The following RAB11FIP2 variants were observed in gnomAD, a reference collection of about 807,000 sequenced individuals.
RAB11FIP2 encodes RAB11 family interacting protein 2, also known as rab11 family-interacting protein 2.
In RAB11FIP2, 16 loss-of-function variants were observed where a neutral mutation model predicts 40.9. That is an observed-to-expected ratio of 0.39 (90% CI 0.26 to 0.59). The LOEUF is 0.59. Among genes scored for constraint, RAB11FIP2 ranks in the 20% least tolerant of loss-of-function variants. RAB11FIP2 has a pLI of 0.53. For missense variants in RAB11FIP2, 532 were observed against 606.2 expected (o/e 0.88, Z 1.28); for synonymous variants, 228 against 213.7 (o/e 1.07, Z -0.58).
chr10:118,033,305 T>A (rs1036426865), intron 3 of RAB11FIP2, among the ~76,000 whole-genome samples: 21 of 152,024 alleles, frequency 1.4e-4, no homozygotes, highest in Non-Finnish European at 2.9e-4. Flanking sequence ...CCCAACAAAT[T>A]GTAGCTAAAA....
chr10:118,016,085 T>C lies in RAB11FIP2; in HGVS notation c.1266-975A>G, dbSNP rs571571766. Among the ~76,000 whole-genome samples, 3 of 152,376 alleles carry C rather than the reference T, an allele frequency of 2.0e-5. No homozygotes were observed. In the South Asian group the frequency reaches 6.2e-4, roughly 32 times the overall value. On this transcript the variant is annotated intron_variant, in intron 3 of 4. Coordinates refer to ENST00000355624, the MANE Select transcript of RAB11FIP2 (RefSeq NM_014904.3). ...CTGGATATAATGTTGGTAAAGTATC[T>C]GTAATTACGTGTACAAATCCTACGC...
chr10:118,024,092 A>AG (rs1467277418), intron 3 of RAB11FIP2, among the ~76,000 whole-genome samples: 1 of 150,408 alleles, frequency 6.6e-6, no homozygotes, highest in Non-Finnish European at 1.5e-5. Context: ...TCTGTCTTAA[A>AG]AAAAAAAAAA....
chr10:118,045,847 T>C lies in RAB11FIP2; in HGVS notation c.317A>G (p.Asn106Ser), dbSNP rs543409723. ...TCTTTGTTTGTCCTCAAAGATGTCA[T>C]TGAGATTGATTGCCACCTGCCCTAA... The part of the protein sequence containing the change: ...KFLGQVAINL[N>S]DIFEDKQRRK... The change falls in exon 1 of 5, where the codon AAT becomes AGT. Residue 106 changes from asparagine to serine, a missense_variant. Asn to Ser is a conservative substitution (Grantham distance 46). Transcript: ENST00000355624. 2.4e-5 allele frequency: 39 copies of C among 1,613,042 alleles called. No homozygotes were observed. The highest frequency in any genetic ancestry group is 4.5e-5 in the East Asian group (2 of 44,886).
chr10:118,027,122 C>T lies in RAB11FIP2; in HGVS notation c.1265+11850G>A, dbSNP rs186462899. Among the ~76,000 whole-genome samples the T allele has an allele frequency of 6.5e-4, 99 of 152,264 alleles. 1 individual carries two copies. The highest frequency in any genetic ancestry group is 2.4e-3 in the African/African-American group (98 of 41,562). ...GCAAGGGCTATCGTTTCTGGATGCACCATGTGTAAAACACTACCCTCAGCA... is the reference window on the plus strand; with the variant it reads ...GCAAGGGCTATCGTTTCTGGATGCATCATGTGTAAAACACTACCCTCAGCA... On this transcript the variant is annotated intron_variant, in intron 3 of 4. Coordinates refer to ENST00000355624, the MANE Select transcript of RAB11FIP2 (RefSeq NM_014904.3).
At chr10:118,012,424 TA>T (rs1846169119) in intron 4 of RAB11FIP2, among the ~76,000 whole-genome samples, 1 of 151,898 alleles carries the variant, frequency 6.6e-6, no homozygotes, top group Admixed American at 6.6e-5. Context: ...ATAAAATAAT[TA>T]AAAACAGTTT....
intron 3 of RAB11FIP2, among the ~76,000 whole-genome samples, chr10:118,031,915 G>A (rs1224981701): frequency 3.3e-5 from 5 of 151,984 alleles, no homozygotes; most frequent in East Asian, 1.9e-4. Flanking sequence ...ATAGAAGGTC[G>A]GTCCCCAAAC....
chr10:118,040,685 A>C (rs1846547285), intron 1 of RAB11FIP2, 120 bp from the exon 2 acceptor site: 1 of 675,864 alleles, frequency 1.5e-6, no homozygotes, highest in Non-Finnish European at 2.4e-6. Flanking sequence ...CTAAGCTCTG[A>C]ATAAGAATCT....
intron 3 of RAB11FIP2, among the ~76,000 whole-genome samples, chr10:118,020,298 G>A (rs1042301203): frequency 9.2e-5 from 14 of 152,198 alleles, no homozygotes; most frequent in African/African-American, 3.4e-4. Flanking sequence ...AATGAGTCCA[G>A]GGCAATTTCA....
At chr10:118,012,185 C>A (rs1344529604) in intron 4 of RAB11FIP2, among the ~76,000 whole-genome samples, 1 of 151,776 alleles carries the variant, frequency 6.6e-6, no homozygotes. Flanking sequence ...TACTTTATAG[C>A]CATACTCTAG....
chr10:118,045,353 C>T (rs922837491), intron 1 of RAB11FIP2: 4 of 156,612 alleles, frequency 2.6e-5, no homozygotes, highest in Non-Finnish European at 5.6e-5. Flanking sequence ...AACGCTGAAA[C>T]GAAATACTGA....
At chr10:118,026,658 T>C (rs1846347496) in intron 3 of RAB11FIP2, among the ~76,000 whole-genome samples, 1 of 152,246 alleles carries the variant, frequency 6.6e-6, no homozygotes, top group African/African-American at 2.4e-5. Flanking sequence ...CTCAGCCATC[T>C]GAGTTTATGA....
Position 118,026,771 on chromosome 10 carries a change from A to G in RAB11FIP2, c.1266-11661T>C, listed in dbSNP as rs144119483. On this transcript the variant is annotated intron_variant, in intron 3 of 4. Coordinates refer to ENST00000355624, the MANE Select transcript of RAB11FIP2 (RefSeq NM_014904.3). Reference sequence around the variant, plus strand: ...TTTCTGAACATAAGACTTTACATCAATATTCACCATAATAGCTTTGCCTTA... The same window carrying G: ...TTTCTGAACATAAGACTTTACATCAGTATTCACCATAATAGCTTTGCCTTA... Among the ~76,000 whole-genome samples, 1,431 of 152,306 alleles carry G rather than the reference A, an allele frequency of 9.4e-3. 9 individuals carry two copies. The highest frequency in any genetic ancestry group is 0.017 in the Middle Eastern group (5 of 294).
intron 3 of RAB11FIP2, among the ~76,000 whole-genome samples, chr10:118,028,900 C>T (rs1021952889): frequency 1.4e-4 from 21 of 151,888 alleles, no homozygotes; most frequent in African/African-American, 5.1e-4. Flanking sequence ...CAAAGTGTTT[C>T]AGTGCTAAAA....
rs746798761 is a variant in RAB11FIP2, at chr10:118,008,960, CTCTT to C, written c.*34_*37del. 2.7e-6 allele frequency: 4 copies of C among 1,505,784 alleles called. No homozygotes were observed. Among genetic ancestry groups the C allele is most frequent in the Admixed American group, 1.7e-5 (1 of 58,268 alleles). The allele number at this position is 1,505,784 out of a possible 1,614,324, so 93.3% of individuals were successfully genotyped here. A position where few individuals can be genotyped will look rare whatever the true frequency, so the allele number is the denominator to read the frequency against. On this transcript the variant is annotated 3_prime_UTR_variant, in exon 5 of 5. Coordinates refer to ENST00000355624, the MANE Select transcript of RAB11FIP2 (RefSeq NM_014904.3). Reference sequence around the variant, plus strand: ...TCCTTCCTTCCTTCTTTCTTTCTCTCTCTTTGTCCAATTATCAATACAATACAAT... The same window carrying C: ...TCCTTCCTTCCTTCTTTCTTTCTCTCTGTCCAATTATCAATACAATACAAT...
intron 3 of RAB11FIP2, among the ~76,000 whole-genome samples, chr10:118,026,479 A>G (rs1256692051): frequency 6.6e-6 from 1 of 152,190 alleles, no homozygotes; most frequent in African/African-American, 2.4e-5. Flanking sequence ...AAAAGAGCCA[A>G]CCTCCGAATC....
intron 1 of RAB11FIP2, 25 bp downstream of exon 1, chr10:118,045,786 A>C: frequency 6.6e-7 from 1 of 1,523,694 alleles, no homozygotes; most frequent in South Asian, 1.2e-5. Context: ...ACTCCCCCAA[A>C]TTCAAAATAA....
chr10:118,030,997 T>A (rs1846407107), intron 3 of RAB11FIP2, among the ~76,000 whole-genome samples: 1 of 152,120 alleles, frequency 6.6e-6, no homozygotes, highest in Admixed American at 6.6e-5. Context: ...TTTCATTGGA[T>A]ACATTCTGTA....
In RAB11FIP2 at chr10:118,006,418, C is replaced by A. The variant is rs548181908; in HGVS notation, c.*2580G>T. Reference sequence around the variant, plus strand: ...AAACTCTATAATCTAGTGTACTGTGCATTATTTAATAAGCACATATATTTT... The same window carrying A: ...AAACTCTATAATCTAGTGTACTGTGAATTATTTAATAAGCACATATATTTT... On this transcript the variant is annotated 3_prime_UTR_variant, in exon 5 of 5. Transcript: ENST00000355624. 44 of 152,384 alleles carry A rather than the reference C, an allele frequency of 2.9e-4. No homozygotes were observed. In the East Asian group the frequency reaches 8.5e-3, roughly 29 times the overall value. The allele number at this position is 152,384 out of a possible 1,614,324, so 9.4% of individuals were successfully genotyped here.
intron 4 of RAB11FIP2, among the ~76,000 whole-genome samples, chr10:118,011,573 A>G (rs1846156345): frequency 6.6e-6 from 1 of 152,132 alleles, no homozygotes; most frequent in Admixed American, 6.5e-5. Context: ...AAAATAAGCT[A>G]AAGTGTCTTA....
Sources: allele counts gnomAD v4.1 joint callset (sites outside exome capture counted in the v4.1 genomes callset), GRCh38; gene constraint gnomAD v4.1.1; transcripts MANE v1.5; gene names NCBI Gene and HGNC (gene_info 2026-07-23, HGNC 2026-07-21).